CHST7: variants seen among roughly 807,000 people sequenced by gnomAD.
CHST7 encodes N-acetylglucosamine 6-O-sulfotransferase 4.
Under a neutral mutation model 9.0 loss-of-function variants are expected in CHST7, and 5 were observed. The observed-to-expected ratio is 0.56, with a 90% CI of 0.29 to 1.17. The LOEUF is 1.17. Ranked by LOEUF, CHST7 falls within the 50% of genes most tolerant of loss-of-function variation. The pLI is 0.08. For missense variants in CHST7, 377 were observed against 485.1 expected (o/e 0.78, Z 2.09); for synonymous variants, 244 against 237.1 (o/e 1.03, Z -0.27).
chrX:46,594,098 A>G (rs1421981915), intron 1 of CHST7, among the ~76,000 whole-genome samples: 1 of 112,139 alleles, frequency 8.9e-6, no homozygotes, highest in Non-Finnish European at 1.9e-5. Context: ...TCCTTTTGTC[A>G]TTTCCTTTCT....
intron 1 of CHST7, among the ~76,000 whole-genome samples, chrX:46,597,253 T>C (rs945082184): frequency 2.7e-5 from 3 of 111,655 alleles, no homozygotes; most frequent in Non-Finnish European, 5.7e-5. Flanking sequence ...AGCAATGTGT[T>C]TAAATGAAAG....
At chrX:46,593,397 A>G (rs753082373) in intron 1 of CHST7, among the ~76,000 whole-genome samples, 32 of 111,883 alleles carry the variant, frequency 2.9e-4, no homozygotes, top group African/African-American at 1.0e-3. Context: ...TTGTTTTTGG[A>G]TTGACCTTTT....
At chrX:46,591,689 T>A (rs928084253) in intron 1 of CHST7, among the ~76,000 whole-genome samples, 6 of 111,649 alleles carry the variant, frequency 5.4e-5, no homozygotes, top group African/African-American at 1.6e-4. Context: ...TTTCTTTTTT[T>A]AAAAAAAATC....
At chrX:46,584,408 A>G (rs1406037496) in intron 1 of CHST7, among the ~76,000 whole-genome samples, 8 of 72,662 alleles carry the variant, frequency 1.1e-4, no homozygotes, top group Admixed American at 7.4e-4. Context: ...GTGGTGGCAC[A>G]TGCCTATAAT....
In CHST7 at chrX:46,575,249, C is replaced by G; in HGVS notation, c.1318C>G (p.Arg440Gly). ...GCACGCCTGGCGCGAGCGCCTGAGCCGAGAGCAGGTGCGCCAGGTGGAGGC... is the reference window on the plus strand; with the variant it reads ...GCACGCCTGGCGCGAGCGCCTGAGCGGAGAGCAGGTGCGCCAGGTGGAGGC... ...AVHAWRERLS[R>G]EQVRQVEAAC... The change falls in exon 1 of 2, where the codon CGA becomes GGA. Residue 440 changes from arginine (R) to glycine (G), a missense_variant. Around this residue, in one of 3 missense-constraint regions of CHST7, gnomAD observed 130 missense variants for 134.9 expected, o/e 0.96. Coordinates refer to ENST00000276055, the MANE Select transcript of CHST7 (RefSeq NM_019886.4). The G allele has an allele frequency of 9.0e-7, 1 of 1,106,648 alleles. No homozygotes were observed. Among genetic ancestry groups the G allele is most frequent in the South Asian group, 2.1e-5 (1 of 47,200 alleles). 91.2% of individuals were successfully genotyped at this position (1,106,648 alleles called of 1,213,427 possible).
chrX:46,586,646 A>G (rs1295554262), intron 1 of CHST7, among the ~76,000 whole-genome samples: 1 of 112,292 alleles, frequency 8.9e-6, no homozygotes, highest in East Asian at 2.8e-4. Context: ...AAAAGCAATT[A>G]GGTATGCAAA....
chrX:46,593,601 ATC>A (rs1569492980), intron 1 of CHST7, among the ~76,000 whole-genome samples: 2 of 111,877 alleles, frequency 1.8e-5, no homozygotes, highest in African/African-American at 6.5e-5. Context: ...CATTTTGCCA[ATC>A]TCTTTTAGTT....
Position 46,574,477 on chromosome X carries a change from G to A in CHST7, c.546G>A (p.Pro182=), listed in dbSNP as rs761020258. The A allele has an allele frequency of 8.3e-7, 1 of 1,205,150 alleles. No individual in the cohort carries two copies. The highest frequency in any genetic ancestry group is 1.7e-5 in the African/African-American group (1 of 57,242). Residue 182 remains proline (P), a synonymous_variant, in exon 1 of 2, where the codon CCG becomes CCA. Coordinates refer to ENST00000276055, the MANE Select transcript of CHST7 (RefSeq NM_019886.4). ...APPGDPAARA[P]DTANLTTAAL... ...CGGGGGACCCCGCTGCGCGCGCCCC[G>A]GACACGGCCAATCTTACCACGGCCG...
chrX:46,588,534 A>T (rs1351621299), intron 1 of CHST7, among the ~76,000 whole-genome samples: 1 of 111,289 alleles, frequency 9.0e-6, no homozygotes, highest in Non-Finnish European at 1.9e-5. Context: ...AAGTGCTTGC[A>T]ATTCAGGCTC....
intron 1 of CHST7, among the ~76,000 whole-genome samples, chrX:46,577,860 C>T (rs1255583051): frequency 8.9e-6 from 1 of 111,795 alleles, no homozygotes; most frequent in Non-Finnish European, 1.9e-5. Context: ...CCTGAGCTGC[C>T]GACAGTGCCT....
intron 1 of CHST7, among the ~76,000 whole-genome samples, chrX:46,578,269 CTTT>C (rs3071957): frequency 5.8e-5 from 3 of 51,341 alleles, no homozygotes; most frequent in Admixed American, 6.3e-4. Context: ...CTGCCATGCT[CTTT>C]TTTTTTTTTT....
rs1942605799 is a variant in CHST7, at chrX:46,598,089, A to T, written c.*361A>T. The stretch of plus-strand genomic sequence containing the variant: ...CAAAGAAGAGATGTGATTTGGTACC[A>T]TTTCACACCAGCAGGTGTCTGGACG... On this transcript the variant is annotated 3_prime_UTR_variant, in exon 2 of 2. Transcript: ENST00000276055. 8.9e-6 allele frequency: 1 copy of T among 112,360 alleles called. No individual in the cohort carries two copies. The highest frequency in any genetic ancestry group is 3.2e-5 in the African/African-American group (1 of 30,871). 9.3% of individuals were successfully genotyped at this position (112,360 alleles called of 1,213,427 possible).
chrX:46,588,916 A>G (rs770308714), intron 1 of CHST7, among the ~76,000 whole-genome samples: 1 of 111,336 alleles, frequency 9.0e-6, no homozygotes, highest in South Asian at 3.7e-4. Context: ...TGAATTTTCT[A>G]TTATTACAGG....
chrX:46,584,535 C>CAAAAAA (rs397777408), intron 1 of CHST7, among the ~76,000 whole-genome samples: 626 of 51,870 alleles, frequency 0.012, 16 homozygotes, highest in African/African-American at 0.027. Flanking sequence ...GAAACTGTCT[C>CAAAAAA]AAAAAAAAAA....
chrX:46,574,942 C>T lies in CHST7; in HGVS notation c.1011C>T (p.Ala337=), dbSNP rs1402927484. Residue 337 remains alanine (A), a synonymous_variant, in exon 1 of 2, where the codon GCC becomes GCT. Transcript: ENST00000276055. ...QSRALPAAPR[A]DFFLTGALEV... is the part of the protein sequence containing the mutation. ...GCGCGCTGCCCGCCGCGCCGCGCGC[C>T]GATTTCTTCCTGACCGGTGCGCTCG... 8 of 1,153,612 alleles carry T rather than the reference C, an allele frequency of 6.9e-6. No individual in the cohort carries two copies. Among genetic ancestry groups the T allele is most frequent in the Non-Finnish European group, 8.0e-6 (7 of 875,817 alleles).
At position 46,590,992 on chromosome X, in the gene CHST7, T is replaced by C. The variant is rs780401270; in HGVS notation, c.*32-6768T>C. On this transcript the variant is annotated intron_variant, in intron 1 of 1. Transcript: ENST00000276055. ...TCACTCAGTTGTAATCCTCTGGAGA[T>C]TCATCCAGGTTGTCTTGTTTAATAA... is the stretch of plus-strand genomic sequence containing the variant. Among the ~76,000 whole-genome samples the C allele has an allele frequency of 9.8e-5, 11 of 112,767 alleles. No homozygotes were observed. The East Asian group carries it at 2.8e-3, about 28-fold the overall frequency.
chrX:46,577,468 T>C (rs1942505294), intron 1 of CHST7, among the ~76,000 whole-genome samples: 1 of 111,592 alleles, frequency 9.0e-6, no homozygotes, highest in Non-Finnish European at 1.9e-5. Context: ...TACTGCCGAC[T>C]CACTGATGGG....
At chrX:46,585,374 C>T (rs965229023) in intron 1 of CHST7, among the ~76,000 whole-genome samples, 1 of 106,363 alleles carries the variant, frequency 9.4e-6, no homozygotes. Flanking sequence ...ACTGCAACCT[C>T]CGCCTCCCGG....
At chrX:46,581,887 G>A (rs959500280) in intron 1 of CHST7, among the ~76,000 whole-genome samples, 6 of 111,521 alleles carry the variant, frequency 5.4e-5, no homozygotes, top group African/African-American at 2.0e-4. Flanking sequence ...GAGTCACTGC[G>A]CCCGGTCAAA....
Sources: gnomAD v4.1 joint callset for allele counts (sites outside exome capture counted in the v4.1 genomes callset) on GRCh38, gnomAD v4.1.1 for gene constraint, gnomAD v4.1.1 regional missense constraint, MANE v1.5 for transcripts, NCBI Gene and HGNC (gene_info 2026-07-23, HGNC 2026-07-21) for gene names.